Variants in PDE4D observed in about 807,000 individuals in gnomAD.
PDE4D encodes 3',5'-cyclic-AMP phosphodiesterase 4D.
In PDE4D, 24 loss-of-function variants were observed where a neutral mutation model predicts 87.4. That is an observed-to-expected ratio of 0.27 (90% confidence interval 0.20 to 0.39). The LOEUF (loss-of-function observed/expected upper bound fraction) is 0.39, where lower values mean the gene tolerates loss of function less well. PDE4D is among the 10% of genes least tolerant of loss of function. The pLI is 1.00. For missense variants in PDE4D, 714 were observed against 1,041.0 expected (o/e 0.69, Z 4.32); for synonymous variants, 384 against 383.2 (o/e 1.00, Z -0.02).
At chr5:60,498,166 G>GCACACACACACACACACA (rs34436235) in intron 1 of PDE4D, among the ~76,000 whole-genome samples, 1 of 144,210 alleles carries the variant, frequency 6.9e-6, no homozygotes, top group Non-Finnish European at 1.5e-5. Flanking sequence ...ACACACACAT[G>GCACACACACACACACACA]CACACACACA....
chr5:60,342,564 T>G (rs1302761089), intron 1 of PDE4D, among the ~76,000 whole-genome samples: 1 of 152,190 alleles, frequency 6.6e-6, no homozygotes, highest in Non-Finnish European at 1.5e-5. Flanking sequence ...GCCATTATTA[T>G]CTTTTATTAT....
At chr5:60,105,082 C>T (rs1776722466) in intron 2 of PDE4D, among the ~76,000 whole-genome samples, 1 of 152,140 alleles carries the variant, frequency 6.6e-6, no homozygotes, top group African/African-American at 2.4e-5. Context: ...GGAGAAAATT[C>T]AAACCAAAGG....
intron 3 of PDE4D, among the ~76,000 whole-genome samples, chr5:59,899,499 C>T (rs1752009909): frequency 6.7e-6 from 1 of 149,442 alleles, no homozygotes; most frequent in African/African-American, 2.4e-5. Flanking sequence ...TATATATATG[C>T]TTAAGTGGTA....
chr5:59,797,134 T>TAAAAAAAAA (rs36051421), intron 1 of PDE4D: 1 of 114,994 alleles, frequency 8.7e-6, no homozygotes. Flanking sequence ...ACATTCTCTC[T>TAAAAAAAAA]AAAAAAAAAA....
intron 2 of PDE4D, among the ~76,000 whole-genome samples, chr5:59,201,600 A>G (rs933827159): frequency 1.3e-5 from 2 of 152,206 alleles, no homozygotes; most frequent in Non-Finnish European, 2.9e-5. Context: ...TTGGTATTAG[A>G]CATACTTGAG....
chr5:59,006,759 A>G (rs1751700648), intron 6 of PDE4D, among the ~76,000 whole-genome samples: 2 of 152,158 alleles, frequency 1.3e-5, no homozygotes, highest in African/African-American at 4.8e-5. Flanking sequence ...ATTTCAGGAT[A>G]TTTGAAATTC....
intron 2 of PDE4D, among the ~76,000 whole-genome samples, chr5:60,008,263 G>A (rs1561973413): frequency 6.6e-6 from 1 of 151,868 alleles, no homozygotes; most frequent in Non-Finnish European, 1.5e-5. Context: ...CACCCCGATT[G>A]CTATAGGCAC....
At chr5:59,898,534 T>C (rs550586952), upstream of PDE4D, among the ~76,000 whole-genome samples, 1 of 152,352 alleles carries the variant, frequency 6.6e-6, no homozygotes, top group African/African-American at 2.4e-5. Flanking sequence ...AGACCTCAAG[T>C]ACACATTGAA....
chr5:60,443,256 G>A (rs895216368), intron 1 of PDE4D, among the ~76,000 whole-genome samples: 7 of 152,140 alleles, frequency 4.6e-5, no homozygotes, highest in African/African-American at 1.4e-4. Flanking sequence ...AAGAAAAGGT[G>A]TAGATAGTGG....
chr5:60,232,541 C>T (rs929144502), intron 1 of PDE4D, among the ~76,000 whole-genome samples: 6 of 151,850 alleles, frequency 4.0e-5, no homozygotes, highest in Admixed American at 6.6e-5. Flanking sequence ...GATGTGACAG[C>T]GCCTCAGATC....
intron 1 of PDE4D, among the ~76,000 whole-genome samples, chr5:59,695,680 C>T (rs1276224240): frequency 6.6e-6 from 1 of 152,160 alleles, no homozygotes; most frequent in Non-Finnish European, 1.5e-5. Flanking sequence ...CAGTTCGCTG[C>T]AGCCTTGACC....
At chr5:60,132,024 T>A (rs966753564) in intron 2 of PDE4D, among the ~76,000 whole-genome samples, 3 of 152,234 alleles carry the variant, frequency 2.0e-5, no homozygotes, top group Admixed American at 2.0e-4. Context: ...CGATAAAATC[T>A]CTTACCACTG....
At chr5:59,852,452 A>G (rs1270694111) in intron 1 of PDE4D, among the ~76,000 whole-genome samples, 1 of 152,098 alleles carries the variant, frequency 6.6e-6, no homozygotes, top group African/African-American at 2.4e-5. Context: ...CCCATGGAGA[A>G]GACCACCCAA....
At chr5:60,283,969 A>C (rs1752184702) in intron 1 of PDE4D, among the ~76,000 whole-genome samples, 1 of 152,206 alleles carries the variant, frequency 6.6e-6, no homozygotes, top group South Asian at 2.1e-4. Context: ...GAATGAATAC[A>C]GTGTGGTCAC....
intron 5 of PDE4D, among the ~76,000 whole-genome samples, chr5:59,107,026 C>A (rs1433262632): frequency 6.6e-6 from 1 of 151,770 alleles, no homozygotes; most frequent in Non-Finnish European, 1.5e-5. Context: ...TCATAGAAAA[C>A]CAGTTAATGT....
chr5:60,099,205 T>C (rs1775992622), intron 2 of PDE4D, among the ~76,000 whole-genome samples: 1 of 151,910 alleles, frequency 6.6e-6, no homozygotes, highest in South Asian at 2.1e-4. Flanking sequence ...TGATGAGTAG[T>C]TTTTCTCTTG....
intron 2 of PDE4D, among the ~76,000 whole-genome samples, chr5:59,194,896 TG>T (rs1745115802): frequency 6.6e-6 from 1 of 152,082 alleles, no homozygotes; most frequent in Non-Finnish European, 1.5e-5. Context: ...TATTAAGAGG[TG>T]GGGGCCTGTG....
intron 4 of PDE4D, among the ~76,000 whole-genome samples, chr5:59,182,664 C>T (rs2153479258): frequency 6.6e-6 from 1 of 152,174 alleles, no homozygotes; most frequent in African/African-American, 2.4e-5. Context: ...CTAATTATCT[C>T]CTTTTACTAT....
chr5:59,098,697 C>CAAAAAA (rs3061415), intron 5 of PDE4D, among the ~76,000 whole-genome samples: 15 of 66,974 alleles, frequency 2.2e-4, no homozygotes, highest in East Asian at 4.5e-4. Flanking sequence ...GAGAAAGACT[C>CAAAAAA]AAAAAAAAAA....
Sources: allele counts gnomAD v4.1 joint callset (sites outside exome capture counted in the v4.1 genomes callset), GRCh38; gene constraint gnomAD v4.1.1; transcripts MANE v1.5; gene names NCBI Gene and HGNC (gene_info 2026-07-23, HGNC 2026-07-21).